Variants in ZKSCAN2 observed in about 807,000 individuals in gnomAD.
ZKSCAN2 encodes the protein zinc finger with KRAB and SCAN domains 2, also known as zinc finger protein with KRAB and SCAN domains 2.
Under a neutral mutation model 90.5 loss-of-function variants are expected in ZKSCAN2, and 38 were observed. The ratio of observed to expected loss-of-function variants is 0.42; its 90% CI spans 0.32 to 0.55. ZKSCAN2 has a LOEUF of 0.55. Ranked by LOEUF, ZKSCAN2 falls within the 20% of genes least tolerant of loss-of-function variation. ZKSCAN2 has a pLI of 0.11. For synonymous variants in ZKSCAN2, 429 were observed against 421.6 expected, an observed-to-expected ratio of 1.02 and a Z score of -0.22; for missense variants, 1,167 against 1,202.6, an observed-to-expected ratio of 0.97 and a Z score of 0.44.
In ZKSCAN2 at chr16:25,256,943, G is replaced by A. The variant is rs1431629301; in HGVS notation, c.185C>T (p.Ala62Val). ...CYEDVTGPHEAFSKLWELCCR... is the reference protein window; with the variant it reads ...CYEDVTGPHEVFSKLWELCCR... ...GCAAAGTTCCCAGAGTTTACTGAAA[G>A]CTTCATGGGGTCCAGTCACATCCTC... The change falls in exon 1 of 7, where the codon GCT becomes GTT. Residue 62 changes from alanine (A) to valine (V), a missense_variant. Coordinates refer to ENST00000328086, the MANE Select transcript of ZKSCAN2 (RefSeq NM_001012981.5). The A allele has an allele frequency of 6.2e-7, 1 of 1,614,232 alleles. No homozygotes were observed. Among genetic ancestry groups the A allele is most frequent in the Admixed American group, 1.7e-5 (1 of 60,018 alleles).
At chr16:25,254,962 A>T (rs9923063) in intron 2 of ZKSCAN2, among the ~76,000 whole-genome samples, 63,505 of 145,366 alleles carry the variant, frequency 0.44, 14,401 homozygotes, top group African/African-American at 0.6. Context: ...CCTGGCTAAT[A>T]TTTTTTTTTT....
At chr16:25,242,612 A>G (rs1170721281) in intron 6 of ZKSCAN2, among the ~76,000 whole-genome samples, 1 of 152,228 alleles carries the variant, frequency 6.6e-6, no homozygotes, top group Non-Finnish European at 1.5e-5. Context: ...TGTAGAGCCA[A>G]GGACATTCAA....
intron 4 of ZKSCAN2, among the ~76,000 whole-genome samples, chr16:25,249,039 G>T (rs1159052274): frequency 6.6e-6 from 1 of 152,118 alleles, no homozygotes; most frequent in African/African-American, 2.4e-5. Context: ...GCACAGAAAA[G>T]ACATATATCA....
chr16:25,257,108 G>A lies in ZKSCAN2; in HGVS notation c.20C>T (p.Ser7Phe). 6.2e-7 allele frequency: 1 copy of A among 1,605,590 alleles called. No homozygotes were observed. The highest frequency in any genetic ancestry group is 2.2e-5 in the East Asian group (1 of 44,728). MAVALD[S>F]QIDAPLEVEG... ...AACCTCCAGGGGCGCGTCGATCTGA[G>A]AGTCGAGGGCGACAGCCATGCTGCA... The change falls in exon 1 of 7, where the codon TCT (serine) becomes TTT (phenylalanine). Residue 7 changes from serine to phenylalanine, a missense_variant. Coordinates refer to ENST00000328086, the MANE Select transcript of ZKSCAN2 (RefSeq NM_001012981.5).
chr16:25,251,965 T>C lies in ZKSCAN2; in HGVS notation c.749A>G (p.Gln250Arg). The change falls in exon 4 of 7, where the codon CAA becomes CGA. Residue 250 changes from glutamine to arginine, a missense_variant. By Grantham distance (43) the Gln-to-Arg change is conservative. Transcript: ENST00000328086. ...YRKSVHQIPA[Q>R]RDLYRDFRKE... is the part of the protein sequence containing the mutation. The stretch of plus-strand genomic sequence containing the variant: ...CCTGAAATCCCGGTAGAGGTCCCTT[T>C]GGGCAGGAATCTGATGCACACTCTT... 1 of 1,613,914 alleles carries C rather than the reference T, an allele frequency of 6.2e-7. No homozygotes were observed. The highest frequency in any genetic ancestry group is 8.5e-7 in the Non-Finnish European group (1 of 1,179,930).
In ZKSCAN2 at chr16:25,246,702, C is replaced by G; in HGVS notation, c.1489+5G>C. 6.2e-7 allele frequency: 1 copy of G among 1,614,154 alleles called. No homozygotes were observed. Among genetic ancestry groups the G allele is most frequent in the South Asian group, 1.1e-5 (1 of 91,072 alleles). On this transcript the variant is annotated splice_donor_5th_base_variant and intron_variant, in intron 5 of 6. Transcript: ENST00000328086. ...CCTACCAGAGAAACAAAGCACAATT[C>G]TTACCACTGAGATTCTGAAACAAGA...
chr16:25,247,657 T>G (rs1013744515), intron 4 of ZKSCAN2, among the ~76,000 whole-genome samples: 6 of 152,222 alleles, frequency 3.9e-5, no homozygotes, highest in Admixed American at 1.3e-4. Flanking sequence ...ATTTTTAACC[T>G]TTGATTCTCT....
At chr16:25,246,495 G>A (rs939049311) in intron 5 of ZKSCAN2, 1 of 592,556 alleles carries the variant, frequency 1.7e-6, no homozygotes, top group Admixed American at 3.0e-5. Flanking sequence ...AAGTGAAAAC[G>A]ACTTCTCCAC....
Position 25,244,274 on chromosome 16 carries a change from C to T in ZKSCAN2, c.1492G>A (p.Val498Met), listed in dbSNP as rs267604478. The change falls in exon 6 of 7, where the codon GTG becomes ATG. Residue 498 changes from valine to methionine, a missense_variant and splice_region_variant. Transcript: ENST00000328086. ...APVLFQNLSG[V>M]HWGYEETKTF... ...TTGGTTTCTTCATAGCCCCAGTGCA[C>T]GCCTGCCATTTGGGGATAAAGTTCA... The T allele has an allele frequency of 5.6e-6, 9 of 1,609,560 alleles. No individual in the cohort carries two copies. The African/African-American group carries it at 8.0e-5, about 14-fold the overall frequency.
Position 25,240,225 on chromosome 16 carries a change from C to A in ZKSCAN2, c.2495G>T (p.Arg832Ile), listed in dbSNP as rs756610738. The change falls in exon 7 of 7, where the codon AGA becomes ATA. Residue 832 changes from arginine to isoleucine, a missense_variant. Arg to Ile is a moderately conservative substitution (Grantham distance 97). Transcript: ENST00000328086. ...AAAGCATTTTCCACACTCTCCGCATCTGTAGGGTTTCTCTCCTGTGTGGAT... is the reference window on the plus strand; with the variant it reads ...AAAGCATTTTCCACACTCTCCGCATATGTAGGGTTTCTCTCCTGTGTGGAT... ...QRIHTGEKPY[R>I]CGECGKCFSQ... 2.1e-5 allele frequency: 34 copies of A among 1,614,026 alleles called. No homozygotes were observed. Among genetic ancestry groups the A allele is most frequent in the Non-Finnish European group, 4.2e-6 (5 of 1,180,026 alleles).
intron 1 of ZKSCAN2, among the ~76,000 whole-genome samples, chr16:25,255,754 T>C (rs1359863471): frequency 2.6e-5 from 4 of 152,196 alleles, no homozygotes; most frequent in African/African-American, 7.2e-5. Flanking sequence ...GCTAATTTTA[T>C]ATTTTTTTAG....
At chr16:25,244,410 A>G (rs1962903100) in intron 5 of ZKSCAN2, 134 bp from the exon 6 acceptor site, 2 of 904,462 alleles carry the variant, frequency 2.2e-6, no homozygotes, top group African/African-American at 3.4e-5. Context: ...TATGCCTAGG[A>G]ATAAGCTTTG....
chr16:25,251,287 C>G (rs912388429), intron 4 of ZKSCAN2, among the ~76,000 whole-genome samples: 6 of 152,120 alleles, frequency 3.9e-5, no homozygotes, highest in African/African-American at 1.4e-4. Context: ...TCAAAGATGT[C>G]TTTCTCCTCA....
At position 25,256,982 on chromosome 16, in the gene ZKSCAN2, C is replaced by T. The variant is rs201842445; in HGVS notation, c.146G>A (p.Arg49Lys). The change falls in exon 1 of 7, where the codon AGG becomes AAG. Residue 49 changes from arginine (R) to lysine (K), a missense_variant. Arg to Lys is a conservative substitution (Grantham distance 26, BLOSUM62 2). Transcript: ENST00000328086. ...DSSETFRKCFRQFCYEDVTGP... is the reference protein window; with the variant it reads ...DSSETFRKCFKQFCYEDVTGP... ...AGTCACATCCTCATAACAGAATTGC[C>T]TGAAGCATTTGCGGAAGGTCTCAGA... 1 of 1,614,118 alleles carries T rather than the reference C, an allele frequency of 6.2e-7. No homozygotes were observed.
intron 4 of ZKSCAN2, among the ~76,000 whole-genome samples, chr16:25,250,591 TGA>T (rs1963006417): frequency 6.6e-6 from 1 of 152,154 alleles, no homozygotes; most frequent in Non-Finnish European, 1.5e-5. Context: ...TGAAATTTGC[TGA>T]GAGTGTAGAT....
At chr16:25,250,405 C>T (rs1350338361) in intron 4 of ZKSCAN2, among the ~76,000 whole-genome samples, 2 of 152,104 alleles carry the variant, frequency 1.3e-5, no homozygotes, top group Admixed American at 6.5e-5. Context: ...TATGATCTCA[C>T]TTACATGTGG....
At chr16:25,251,597 G>A (rs1428870534) in intron 4 of ZKSCAN2, among the ~76,000 whole-genome samples, 1 of 152,144 alleles carries the variant, frequency 6.6e-6, no homozygotes, top group Admixed American at 6.5e-5. Context: ...ACCAGGGGAA[G>A]TTTCTTAAGC....
chr16:25,247,790 A>G (rs1365569647), intron 4 of ZKSCAN2, among the ~76,000 whole-genome samples: 1 of 152,200 alleles, frequency 6.6e-6, no homozygotes, highest in Non-Finnish European at 1.5e-5. Context: ...CATAACATAC[A>G]TACATATATA....
chr16:25,255,286 C>A lies in ZKSCAN2; in HGVS notation c.506G>T (p.Arg169Leu), dbSNP rs779774087. ...QVETQPRAVS[R>L]EEPGSLHSGH... ...TGAGTGGAGGCTTCCAGGTTCCTCC[C>A]GAGACACCGCCCTGGGTTGGGTCTC... Residue 169 changes from arginine (R) to leucine (L), a missense_variant, in exon 2 of 7, where the codon CGG becomes CTG. Arg to Leu is a moderately radical substitution (Grantham distance 102). Coordinates refer to ENST00000328086, the MANE Select transcript of ZKSCAN2 (RefSeq NM_001012981.5). The A allele has an allele frequency of 6.8e-6, 11 of 1,613,630 alleles. No individual in the cohort carries two copies. The highest frequency in any genetic ancestry group is 8.5e-6 in the Non-Finnish European group (10 of 1,179,944).
Sources: allele counts gnomAD v4.1 joint callset (sites outside exome capture counted in the v4.1 genomes callset), GRCh38; gene constraint gnomAD v4.1.1; transcripts MANE v1.5; gene names NCBI Gene and HGNC (gene_info 2026-07-23, HGNC 2026-07-21).